The following TANC2 variants were observed in gnomAD, a reference collection of about 807,000 sequenced individuals.
TANC2 encodes the protein tetratricopeptide repeat, ankyrin repeat and coiled-coil containing 2, also known as protein TANC2.
A neutral mutation model predicts 210.5 loss-of-function variants in TANC2; 26 were observed. The observed-to-expected ratio is 0.12, with a 90% CI of 0.09 to 0.17. The LOEUF is 0.17. Among genes scored for constraint, TANC2 ranks in the 10% least tolerant of loss-of-function variants. TANC2 has a pLI of 1.00. For synonymous variants in TANC2, 931 were observed against 967.1 expected (o/e 0.96, Z 0.69); for missense variants, 2,129 against 2,608.9 (o/e 0.82, Z 4.01).
intron 1 of TANC2, among the ~76,000 whole-genome samples, chr17:63,002,584 A>G (rs1248655223): frequency 1.3e-5 from 2 of 152,192 alleles, no homozygotes; most frequent in Non-Finnish European, 2.9e-5. Context: ...GAAAAAAGTA[A>G]TCATCTTCAA....
chr17:63,107,208 C>T (rs1039939070), intron 4 of TANC2, among the ~76,000 whole-genome samples: 1 of 151,416 alleles, frequency 6.6e-6, no homozygotes, highest in Non-Finnish European at 1.5e-5. Flanking sequence ...TTCAGTTTCC[C>T]TTATAAAGAC....
Position 63,420,203 on chromosome 17 carries a change from A to G in TANC2, c.4473A>G (p.Val1491=). The G allele has an allele frequency of 6.2e-7, 1 of 1,603,566 alleles. No homozygotes were observed. The highest frequency in any genetic ancestry group is 8.5e-7 in the Non-Finnish European group (1 of 1,174,674). ...CACAGCATGAAGACATATACTCTGTACAGGATATATTCGAGGAGGAGTACC... is the reference window on the plus strand; with the variant it reads ...CACAGCATGAAGACATATACTCTGTGCAGGATATATTCGAGGAGGAGTACC... The change falls in exon 28 of 28, where the codon GTA becomes GTG. Residue 1491 remains valine, a synonymous_variant. Coordinates refer to ENST00000689528, the Ensembl canonical transcript of TANC2. This position sits in a 1 kb window ranked among gnomAD's most constrained non-coding sequence, Gnocchi z 4.2.
Position 63,300,531 on chromosome 17 carries a change from C to T in TANC2, c.1160-13857C>T, listed in dbSNP as rs900957235. 2.0e-5 allele frequency among the ~76,000 whole-genome samples: 3 copies of T among 152,060 alleles called. No individual in the cohort carries two copies. The East Asian group carries it at 5.8e-4, about 29-fold the overall frequency. ...TATTCCTAGGTATTTTATTCTCTCT[C>T]TTTGTAGTGATTGTGAATGGGAGTT... On this transcript the variant is annotated intron_variant, in intron 9 of 27. Transcript: ENST00000689528.
chr17:63,238,290 C>T (rs2146057579), intron 8 of TANC2, among the ~76,000 whole-genome samples: 1 of 152,164 alleles, frequency 6.6e-6, no homozygotes, highest in East Asian at 1.9e-4. Flanking sequence ...TTGCTTAGTT[C>T]TGCTCCCAAA....
intron 18 of TANC2, among the ~76,000 whole-genome samples, chr17:63,397,310 C>A (rs182702906): frequency 1.3e-5 from 2 of 152,100 alleles, no homozygotes; most frequent in South Asian, 2.1e-4. Flanking sequence ...ATATGTTGCA[C>A]ACAACTTACA....
rs1200536468 is a variant in TANC2 at position 63,237,997 on chromosome 17, A to T, written c.953A>T (p.Glu318Val). 1 of 1,574,544 alleles carries T rather than the reference A, an allele frequency of 6.4e-7. No individual in the cohort carries two copies. The highest frequency in any genetic ancestry group is 8.6e-7 in the Non-Finnish European group (1 of 1,159,026). Residue 318 changes from glutamate to valine, a missense_variant, in exon 8 of 28, where the codon GAG becomes GTG. Coordinates refer to ENST00000689528, the Ensembl canonical transcript of TANC2. The stretch of plus-strand genomic sequence containing the variant: ...ACCTATAGTCTGAATAAGATCCCAG[A>T]GAGAAATTTGGAAACAGTGTTATCT...
rs2041356103 is a variant in TANC2, at chr17:63,196,677, C to T, written c.582+2538C>T. The stretch of plus-strand genomic sequence containing the variant: ...GAGGGAGAAAATTTGTGTTCTAGTT[C>T]CAACTCTGCCACCTACCATTTTGTA... On this transcript the variant is annotated intron_variant, in intron 6 of 27. Transcript: ENST00000689528. Among the ~76,000 whole-genome samples, 3 of 152,174 alleles carry T rather than the reference C, an allele frequency of 2.0e-5. 1 individual carries two copies. The highest frequency in any genetic ancestry group is 4.1e-4 in the South Asian group (2 of 4,826).
intron 4 of TANC2, among the ~76,000 whole-genome samples, chr17:63,136,277 T>C (rs1352694209): frequency 6.6e-6 from 1 of 152,232 alleles, no homozygotes; most frequent in African/African-American, 2.4e-5. Context: ...TCCATATTTA[T>C]TGCTTCTATG....
chr17:62,973,595 G>C (rs2031835326), intron 1 of TANC2, among the ~76,000 whole-genome samples: 1 of 152,200 alleles, frequency 6.6e-6, no homozygotes, highest in African/African-American at 2.4e-5. Context: ...ATTACTCAGA[G>C]TAAGTCCTGG....
intron 3 of TANC2, among the ~76,000 whole-genome samples, chr17:63,081,422 A>T (rs1282024943): frequency 6.6e-6 from 1 of 152,210 alleles, no homozygotes; most frequent in Non-Finnish European, 1.5e-5. Context: ...TTCAGTTTGT[A>T]TCTTTCCATG....
At chr17:63,342,420 A>G (rs1213139964) in intron 12 of TANC2, among the ~76,000 whole-genome samples, 1 of 152,134 alleles carries the variant, frequency 6.6e-6, no homozygotes. Context: ...TATGTTTTGA[A>G]CAGATAAGTG....
intron 11 of TANC2, among the ~76,000 whole-genome samples, chr17:63,331,098 G>A (rs1310828997): frequency 1.3e-5 from 2 of 152,038 alleles, no homozygotes; most frequent in African/African-American, 2.4e-5. Context: ...ATGTATCTGG[G>A]GTGTGCCCCT....
intron 14 of TANC2, among the ~76,000 whole-genome samples, chr17:63,377,621 A>C (rs189004572): frequency 6.6e-6 from 1 of 152,284 alleles, no homozygotes; most frequent in East Asian, 1.9e-4. Flanking sequence ...AGGAAGTTCC[A>C]AACTTTCCCA....
At chr17:63,377,977 T>C (rs2047478873) in intron 14 of TANC2, among the ~76,000 whole-genome samples, 1 of 152,144 alleles carries the variant, frequency 6.6e-6, no homozygotes, top group Admixed American at 6.5e-5. Flanking sequence ...GAGAACAGCA[T>C]GGGGTAAACC....
intron 9 of TANC2, among the ~76,000 whole-genome samples, chr17:63,290,571 G>A (rs2044354623): frequency 6.6e-6 from 1 of 152,126 alleles, no homozygotes; most frequent in South Asian, 2.1e-4. Context: ...GCAATAAGTG[G>A]GCAGTCACAG....
In TANC2 at chr17:63,210,132, G is replaced by A. The variant is rs114179304; in HGVS notation, c.769+9175G>A. ...GTCAGGTTTTGCTATCAAGGATTATGTTAGCCTTATAAAATAGGTTGAGCT... is the reference window on the plus strand; with the variant it reads ...GTCAGGTTTTGCTATCAAGGATTATATTAGCCTTATAAAATAGGTTGAGCT... On this transcript the variant is annotated intron_variant, in intron 7 of 27. Transcript: ENST00000689528. Among the ~76,000 whole-genome samples the A allele has an allele frequency of 6.5e-3, 991 of 152,268 alleles. 11 individuals carry two copies. Among genetic ancestry groups the A allele is most frequent in the African/African-American group, 0.023 (953 of 41,554 alleles).
intron 14 of TANC2, among the ~76,000 whole-genome samples, chr17:63,372,867 A>AT (rs1402823177): frequency 6.8e-6 from 1 of 146,900 alleles, no homozygotes; most frequent in African/African-American, 2.5e-5. Context: ...ATCTGAACCC[A>AT]TGTTAAAGTT....
chr17:63,089,298 C>G (rs1176203221), intron 3 of TANC2: 2 of 152,192 alleles, frequency 1.3e-5, no homozygotes, highest in Non-Finnish European at 2.9e-5. Context: ...ACCCTAATAC[C>G]CATGTCTCAA....
chr17:63,196,098 G>A (rs1438827344), intron 6 of TANC2, among the ~76,000 whole-genome samples: 1 of 152,058 alleles, frequency 6.6e-6, no homozygotes, highest in Non-Finnish European at 1.5e-5. Context: ...ATACCCCTAT[G>A]CTTCTACTTT....
Sources: gnomAD v4.1 joint callset for allele counts (sites outside exome capture counted in the v4.1 genomes callset) on GRCh38, gnomAD v4.1.1 for gene constraint, Gnocchi (gnomAD v3.1) non-coding constraint, MANE v1.5 for transcripts, NCBI Gene and HGNC (gene_info 2026-07-23, HGNC 2026-07-21) for gene names.